Variants in LIPC observed in about 807,000 individuals in gnomAD.
LIPC encodes the protein hepatic triacylglycerol lipase.
In LIPC, 44 loss-of-function variants were observed where a neutral mutation model predicts 50.7. The ratio of observed to expected loss-of-function variants is 0.87; its 90% CI spans 0.68 to 1.11. The LOEUF (loss-of-function observed/expected upper bound fraction) is 1.11. Ranked by LOEUF, LIPC falls within the 50% of genes most tolerant of loss-of-function variation. The pLI is 0.00. For synonymous variants in LIPC, 271 were observed against 256.4 expected, an observed-to-expected ratio of 1.06 and a Z score of -0.54; for missense variants, 697 against 648.2, an observed-to-expected ratio of 1.08 and a Z score of -0.82.
At chr15:58,497,341 G>A (rs1318119409) in intron 1 of LIPC, among the ~76,000 whole-genome samples, 3 of 152,184 alleles carry the variant, frequency 2.0e-5, no homozygotes, top group African/African-American at 7.2e-5. Flanking sequence ...CTAATTCTCA[G>A]GAATGGATGG....
chr15:58,511,354 G>A (rs1892325500), intron 1 of LIPC, among the ~76,000 whole-genome samples: 1 of 151,944 alleles, frequency 6.6e-6, no homozygotes, highest in African/African-American at 2.4e-5. Flanking sequence ...TAACCCCAAG[G>A]CCCTAACGCA....
intron 1 of LIPC, among the ~76,000 whole-genome samples, chr15:58,459,211 C>A (rs1894246266): frequency 6.6e-6 from 1 of 152,140 alleles, no homozygotes; most frequent in African/African-American, 2.4e-5. Flanking sequence ...CACTGCAAGA[C>A]GACCTCTGGG....
intron 1 of LIPC, among the ~76,000 whole-genome samples, chr15:58,525,859 A>C (rs2140882895): frequency 6.6e-6 from 1 of 152,238 alleles, no homozygotes; most frequent in East Asian, 1.9e-4. Context: ...TTACAATAGC[A>C]ATATCAATGC....
At chr15:58,446,764 C>G (rs545963801) in intron 1 of LIPC, among the ~76,000 whole-genome samples, 12 of 152,316 alleles carry the variant, frequency 7.9e-5, no homozygotes, top group Non-Finnish European at 5.9e-5. Flanking sequence ...AGGACCCACA[C>G]AGGCCTGGCA....
At chr15:58,520,455 A>G (rs1892621084) in intron 1 of LIPC, among the ~76,000 whole-genome samples, 1 of 152,144 alleles carries the variant, frequency 6.6e-6, no homozygotes, top group African/African-American at 2.4e-5. Flanking sequence ...TCCCCTACAC[A>G]TAAAGCCTTG....
intron 1 of LIPC, among the ~76,000 whole-genome samples, chr15:58,506,307 G>T (rs1408776281): frequency 6.6e-6 from 1 of 152,240 alleles, no homozygotes; most frequent in African/African-American, 2.4e-5. Context: ...CTATGCAGGA[G>T]AACAGAAATA....
chr15:58,520,643 G>A (rs1194059197), intron 1 of LIPC, among the ~76,000 whole-genome samples: 3 of 152,188 alleles, frequency 2.0e-5, no homozygotes, highest in Admixed American at 6.5e-5. Flanking sequence ...TACGGAGGGC[G>A]GGGGCAGCTT....
intron 1 of LIPC, among the ~76,000 whole-genome samples, chr15:58,433,654 C>T (rs947195473): frequency 6.6e-6 from 1 of 152,190 alleles, no homozygotes; most frequent in African/African-American, 2.4e-5. Context: ...GAATTGGAAG[C>T]TGTCAGTGCT....
chr15:58,538,634 GT>G, intron 2 of LIPC, 117 bp downstream of exon 2: 1 of 989,670 alleles, frequency 1.0e-6, no homozygotes, highest in Non-Finnish European at 1.6e-6. Flanking sequence ...CATGCATAAT[GT>G]TTATGAAGCA....
At chr15:58,517,210 C>T (rs1420736104) in intron 1 of LIPC, among the ~76,000 whole-genome samples, 2 of 152,252 alleles carry the variant, frequency 1.3e-5, no homozygotes, top group Non-Finnish European at 2.9e-5. Flanking sequence ...TGTGTATTCA[C>T]AAGGCAAAGA....
rs576532344 is a variant in LIPC, at chr15:58,503,672, C to T, written c.89-34661C>T. On this transcript the variant is annotated intron_variant, in intron 1 of 8. Coordinates refer to ENST00000299022, the MANE Select transcript of LIPC (RefSeq NM_000236.3). ...TTCCACTGGGCCGCACCACCCAGCC[C>T]GGGGTGGCCCCAAAGGCAGAGGGGA... Among the ~76,000 whole-genome samples the T allele has an allele frequency of 9.2e-5, 14 of 152,318 alleles. No homozygotes were observed. The East Asian group carries it at 2.3e-3, about 25-fold the overall frequency.
intron 1 of LIPC, among the ~76,000 whole-genome samples, chr15:58,459,405 T>C (rs1352660036): frequency 6.6e-6 from 1 of 151,660 alleles, no homozygotes; most frequent in African/African-American, 2.4e-5. Context: ...TTCTTTCTTT[T>C]TTTTTTTTGA....
chr15:58,567,355 A>G (rs1257492656), intron 8 of LIPC, among the ~76,000 whole-genome samples: 16 of 25,076 alleles, frequency 6.4e-4, no homozygotes, highest in Non-Finnish European at 5.4e-4. Context: ...GTATATATAT[A>G]TATGTATATG....
intron 1 of LIPC, among the ~76,000 whole-genome samples, chr15:58,489,674 A>T (rs1485331769): frequency 2.0e-5 from 3 of 152,170 alleles, no homozygotes; most frequent in African/African-American, 7.2e-5. Context: ...GCAAGTCACA[A>T]ATCTTGTGAC....
intron 5 of LIPC, among the ~76,000 whole-genome samples, chr15:58,547,202 CT>C (rs1893562221): frequency 6.6e-6 from 1 of 152,194 alleles, no homozygotes; most frequent in Non-Finnish European, 1.5e-5. Context: ...GTCTTCACCC[CT>C]GTGTTTGAAA....
rs1042388028 is a variant in LIPC at position 58,545,655 on chromosome 15, T to G, written c.575-87T>G. ...TTTCTTCTTCCTGCTAGTTCACTGA[T>G]GTATAATAATATCCAAAAGCTAAAA... On this transcript the variant is annotated intron_variant, in intron 4 of 8. Transcript: ENST00000299022. The G allele has an allele frequency of 4.6e-6, 5 of 1,094,670 alleles. No individual in the cohort carries two copies. In the African/African-American group the frequency reaches 7.7e-5, roughly 17 times the overall value. 67.8% of individuals were successfully genotyped at this position (1,094,670 alleles called of 1,614,324 possible).
chr15:58,471,918 C>G (rs1310328463), intron 1 of LIPC, among the ~76,000 whole-genome samples: 1 of 152,106 alleles, frequency 6.6e-6, no homozygotes, highest in African/African-American at 2.4e-5. Context: ...GGGGACATAG[C>G]TCTTTGGGGC....
intron 1 of LIPC, chr15:58,436,351 T>G: frequency 5.0e-6 from 1 of 198,760 alleles, no homozygotes; most frequent in Admixed American, 5.6e-5. Context: ...TGTAAGCTTC[T>G]CATATGTGTT....
At chr15:58,489,223 CGG>C (rs1169740711) in intron 1 of LIPC, among the ~76,000 whole-genome samples, 2 of 67,256 alleles carry the variant, frequency 3.0e-5, no homozygotes, top group African/African-American at 2.1e-4. Context: ...GTTGCGGGGG[CGG>C]GGGGGCGGCT....
Sources: allele counts gnomAD v4.1 joint callset (sites outside exome capture counted in the v4.1 genomes callset), GRCh38; gene constraint gnomAD v4.1.1; transcripts MANE v1.5; gene names NCBI Gene and HGNC (gene_info 2026-07-23, HGNC 2026-07-21).